The following GPHN variants were observed in gnomAD, a reference collection of about 807,000 sequenced individuals.
GPHN encodes the protein gephyrin.
In GPHN, 17 loss-of-function variants were observed where a neutral mutation model predicts 95.5. The observed-to-expected ratio is 0.18, with a 90% CI of 0.12 to 0.27. The LOEUF is 0.27. Among genes scored for constraint, GPHN ranks in the 10% least tolerant of loss-of-function variants. GPHN has a pLI of 1.00. For synonymous variants in GPHN, 320 were observed against 322.5 expected, an observed-to-expected ratio of 0.99 and a Z score of 0.08; for missense variants, 660 against 978.1, an observed-to-expected ratio of 0.67 and a Z score of 4.34.
chr14:67,373,030 C>T, the GPHN span, among the ~76,000 whole-genome samples: 2 of 152,120 alleles, frequency 1.3e-5, no homozygotes, highest in East Asian at 3.8e-4. Context: ...AATAGATTGA[C>T]TTTTTAAAAA....
At chr14:66,827,259 G>T (rs147749235) in intron 4 of GPHN, among the ~76,000 whole-genome samples, 1,825 of 151,976 alleles carry the variant, frequency 0.012, 18 homozygotes, top group Non-Finnish European at 0.018. Context: ...ACTCCAGCCT[G>T]GGTGACAGAG....
chr14:66,686,420 T>C (rs2067365278), intron 2 of GPHN, among the ~76,000 whole-genome samples: 1 of 152,244 alleles, frequency 6.6e-6, no homozygotes, highest in South Asian at 2.1e-4. Context: ...TTCTCTTTTA[T>C]TTTGTTGAGC....
At chr14:66,897,831 T>C (rs1341640423) in intron 5 of GPHN, among the ~76,000 whole-genome samples, 1 of 152,118 alleles carries the variant, frequency 6.6e-6, no homozygotes, top group Non-Finnish European at 1.5e-5. Context: ...AGGTTTTCTG[T>C]TTAAATGAAC....
At chr14:66,773,181 T>C (rs1002093667) in intron 2 of GPHN, among the ~76,000 whole-genome samples, 5 of 152,152 alleles carry the variant, frequency 3.3e-5, no homozygotes, top group Non-Finnish European at 7.4e-5. Context: ...ATGAAGTGTA[T>C]GTCAGGAAAA....
At chr14:66,664,703 T>C (rs937289944) in intron 1 of GPHN, among the ~76,000 whole-genome samples, 2 of 151,622 alleles carry the variant, frequency 1.3e-5, no homozygotes, top group Non-Finnish European at 2.9e-5. Context: ...AGTTGTTTTT[T>C]TGAAAAGATT....
chr14:67,600,408 A>T, the GPHN span: 2 of 518,134 alleles, frequency 3.9e-6, no homozygotes, highest in South Asian at 2.7e-5. Context: ...TCTTCGAAAA[A>T]ACCTCGTCGG....
chr14:66,801,791 G>A (rs1476876964), intron 3 of GPHN, among the ~76,000 whole-genome samples: 1 of 142,722 alleles, frequency 7.0e-6, no homozygotes, highest in Non-Finnish European at 1.5e-5. Flanking sequence ...TACCATCTAT[G>A]CCCGCTCCCG....
the GPHN span, chr14:67,581,653 T>C: frequency 5.4e-6 from 1 of 186,852 alleles, no homozygotes; most frequent in Non-Finnish European, 1.1e-5. Context: ...CTATACCAAT[T>C]CCAGGAAATA....
chr14:66,647,164 C>T lies in GPHN; in HGVS notation c.65-33943C>T, dbSNP rs117070003. ...CAGGTCATCTTCCTGCCTTGGCCCC[C>T]CAAAGTTCTGGGATTACAGGCATAA... On this transcript the variant is annotated intron_variant, in intron 1 of 22. Transcript: ENST00000478722. Among the ~76,000 whole-genome samples, 173 of 151,444 alleles carry T rather than the reference C, an allele frequency of 1.1e-3. 5 individuals carry two copies. The East Asian group carries it at 0.032, about 28-fold the overall frequency.
At chr14:66,976,060 A>G (rs185619660) in intron 9 of GPHN, among the ~76,000 whole-genome samples, 12 of 152,302 alleles carry the variant, frequency 7.9e-5, no homozygotes, top group Admixed American at 2.0e-4. Flanking sequence ...TTAATCTCCA[A>G]TTAATACAGA....
the GPHN span, chr14:67,586,722 C>T: frequency 0.19 from 196,650 of 1,021,270 alleles, 19,497 homozygotes; most frequent in African/African-American, 0.25. Flanking sequence ...TTAGAGTTTG[C>T]CAAACCTACT....
At chr14:67,422,578 A>G in the GPHN span, among the ~76,000 whole-genome samples, 2 of 152,216 alleles carry the variant, frequency 1.3e-5, no homozygotes, top group African/African-American at 4.8e-5. Flanking sequence ...CCTTTCCACA[A>G]AGAAGTTGGG....
At position 66,880,111 on chromosome 14, in the gene GPHN, G is replaced by C. The variant is rs1018017690; in HGVS notation, c.389+78G>C. On this transcript the variant is annotated intron_variant, in intron 5 of 22. Transcript: ENST00000478722. ...TGATATTAAAAAAAATCTACACTTT[G>C]GCATTGTTGTGAATATTAAATGAGC... 9 of 907,100 alleles carry C rather than the reference G, an allele frequency of 9.9e-6. No homozygotes were observed. In the South Asian group the frequency reaches 1.2e-4, roughly 12 times the overall value. The allele number at this position is 907,100 out of a possible 1,614,324, so 56.2% of individuals were successfully genotyped here.
At chr14:67,504,705 TG>T in the GPHN span, among the ~76,000 whole-genome samples, 1 of 152,130 alleles carries the variant, frequency 6.6e-6, no homozygotes, top group South Asian at 2.1e-4. Context: ...GCCAACTTGG[TG>T]AAACCCTGTC....
chr14:67,534,764 G>C, the GPHN span, among the ~76,000 whole-genome samples: 3 of 152,030 alleles, frequency 2.0e-5, no homozygotes, highest in East Asian at 5.8e-4. Flanking sequence ...CTGTAGGGGA[G>C]AGCATGTTCC....
At chr14:66,585,067 C>T (rs1050280716) in intron 1 of GPHN, among the ~76,000 whole-genome samples, 2 of 152,194 alleles carry the variant, frequency 1.3e-5, no homozygotes, top group South Asian at 2.1e-4. Context: ...AGTTTCAGAG[C>T]CTGTTATTGG....
chr14:67,651,413 A>T, the GPHN span: 1 of 1,613,990 alleles, frequency 6.2e-7, no homozygotes, highest in Non-Finnish European at 8.5e-7. Context: ...TTTGTAGTAA[A>T]CCAGGCCTCC....
In GPHN at chr14:66,924,290, C is replaced by A; in HGVS notation, c.826C>A (p.Arg276=). The change falls in exon 8 of 23, where the codon CGG becomes AGG. Residue 276 remains arginine, a splice_region_variant and synonymous_variant. Transcript: ENST00000478722. ...TTATTCCCATCATTCAACAGATGAA[C>A]GGGTAAGACAAGAGGCTTTTGCATT... ...INYSHHSTDE[R]IPDSIISRGV... 6.4e-7 allele frequency: 1 copy of A among 1,564,398 alleles called. No homozygotes were observed. Among genetic ancestry groups the A allele is most frequent in the Non-Finnish European group, 8.8e-7 (1 of 1,134,828 alleles).
At chr14:67,335,835 T>C in the GPHN span, 1 of 152,312 alleles carries the variant, frequency 6.6e-6, no homozygotes, top group African/African-American at 2.4e-5. Flanking sequence ...CAATTTCTCT[T>C]GCTATTTGCT....
Sources: gnomAD v4.1 joint callset for allele counts (sites outside exome capture counted in the v4.1 genomes callset) on GRCh38, gnomAD v4.1.1 for gene constraint, MANE v1.5 for transcripts, NCBI Gene and HGNC (gene_info 2026-07-23, HGNC 2026-07-21) for gene names.